ST3GAL6: variants seen among roughly 807,000 people sequenced by gnomAD.
ST3GAL6 encodes ST3 beta-galactoside alpha-2,3-sialyltransferase 6.
ST3GAL6 carries 31 observed loss-of-function variants against 40.5 expected under a neutral mutation model. That is an observed-to-expected ratio of 0.77 (90% CI 0.58 to 1.03). The LOEUF (loss-of-function observed/expected upper bound fraction) is 1.03, where lower values mean the gene tolerates loss of function less well. Ranked by LOEUF, ST3GAL6 falls within the 50% of genes least tolerant of loss-of-function variation. The pLI, the probability that ST3GAL6 is intolerant of heterozygous loss-of-function variation, is 0.00. For synonymous variants in ST3GAL6, 129 were observed against 136.9 expected, an observed-to-expected ratio of 0.94 and a Z score of 0.40; for missense variants, 357 against 393.2, an observed-to-expected ratio of 0.91 and a Z score of 0.78.
At chr3:98,775,701 C>T (rs1392747466) in intron 5 of ST3GAL6, among the ~76,000 whole-genome samples, 1 of 152,184 alleles carries the variant, frequency 6.6e-6, no homozygotes. Context: ...ATGCCTCCAT[C>T]AGGCTAATTT....
At chr3:98,733,591 G>A (rs1935251061) in intron 1 of ST3GAL6, 4 of 985,318 alleles carry the variant, frequency 4.1e-6, no homozygotes, top group Admixed American at 6.1e-5. Context: ...AAAGGAGGAC[G>A]GTGAGTAAAT....
intron 1 of ST3GAL6, among the ~76,000 whole-genome samples, chr3:98,754,009 AC>A (rs1474747793): frequency 9.2e-5 from 14 of 152,216 alleles, no homozygotes; most frequent in Non-Finnish European, 1.6e-4. Flanking sequence ...TGCTAAAACA[AC>A]GTCTATTCTG....
intron 3 of ST3GAL6, 64 bp from the exon 4 acceptor site, chr3:98,772,749 G>C (rs1685324186): frequency 3.6e-6 from 4 of 1,099,450 alleles, no homozygotes; most frequent in Non-Finnish European, 5.6e-6. Context: ...TTTTAGTTTT[G>C]ATTTTAAAAG....
intron 5 of ST3GAL6, among the ~76,000 whole-genome samples, chr3:98,775,941 AG>A (rs1939510126): frequency 6.6e-6 from 1 of 152,200 alleles, no homozygotes; most frequent in Admixed American, 6.5e-5. Flanking sequence ...CAGAGACTCT[AG>A]ATAAAGAATG....
At chr3:98,733,098 G>T (rs1215177284) in intron 1 of ST3GAL6, 8 of 1,351,138 alleles carry the variant, frequency 5.9e-6, no homozygotes, top group Non-Finnish European at 7.6e-6. Flanking sequence ...CTCCGGCTTT[G>T]CAGCCTCTGA....
chr3:98,788,293 C>A, intron 7 of ST3GAL6, 33 bp from the exon 8 acceptor site: 1 of 1,595,512 alleles, frequency 6.3e-7, no homozygotes, highest in Non-Finnish European at 8.5e-7. Context: ...CAGACAGCCA[C>A]ACTGTTCTAT....
chr3:98,787,738 G>T (rs1030847161), intron 6 of ST3GAL6, among the ~76,000 whole-genome samples: 2 of 152,174 alleles, frequency 1.3e-5, no homozygotes, highest in Non-Finnish European at 2.9e-5. Context: ...GTGGCTCTGT[G>T]TTCCCACTTT....
In ST3GAL6 at chr3:98,778,369, A is replaced by G. The variant is rs139743080; in HGVS notation, c.335+4386A>G. 3.8e-3 allele frequency among the ~76,000 whole-genome samples: 583 copies of G among 152,360 alleles called. 11 individuals carry two copies. Among genetic ancestry groups the G allele is most frequent in the African/African-American group, 0.014 (563 of 41,586 alleles). On this transcript the variant is annotated intron_variant, in intron 5 of 9. Transcript: ENST00000483910. The stretch of plus-strand genomic sequence containing the variant: ...AAAAAGAATTAGACATTAGTGGTGT[A>G]TTTATTGAAAAAGAGTCCTAACTCT...
At position 98,739,927 on chromosome 3, in the gene ST3GAL6, T is replaced by C. The variant is rs572260257; in HGVS notation, c.-12+7395T>C. Reference sequence around the variant, plus strand: ...AAATGTAATTTATAATCTTATTTAATTGATAGGTTGTGGTAATTAAAGGAG... The same window carrying C: ...AAATGTAATTTATAATCTTATTTAACTGATAGGTTGTGGTAATTAAAGGAG... On this transcript the variant is annotated intron_variant, in intron 1 of 9. Coordinates refer to the ST3GAL6 transcript ENST00000265261. Among the ~76,000 whole-genome samples, 3 of 152,328 alleles carry C rather than the reference T, an allele frequency of 2.0e-5. No homozygotes were observed. The South Asian group carries it at 6.2e-4, about 32-fold the overall frequency.
At chr3:98,774,681 G>C (rs760061006) in intron 5 of ST3GAL6, among the ~76,000 whole-genome samples, 4 of 152,168 alleles carry the variant, frequency 2.6e-5, no homozygotes, top group African/African-American at 2.4e-5. Flanking sequence ...CATTAAAAAG[G>C]AAAATGGCAG....
intron 8 of ST3GAL6, among the ~76,000 whole-genome samples, chr3:98,789,420 C>G (rs757725337): frequency 2.6e-5 from 4 of 152,174 alleles, no homozygotes; most frequent in Non-Finnish European, 5.9e-5. Context: ...AGACTATTTG[C>G]TATGCATTCA....
At chr3:98,767,226 AT>A (rs1938455717) in intron 1 of ST3GAL6, among the ~76,000 whole-genome samples, 1 of 152,200 alleles carries the variant, frequency 6.6e-6, no homozygotes, top group Non-Finnish European at 1.5e-5. Context: ...CCACACACCC[AT>A]TAGCTGCAGA....
chr3:98,768,397 C>G, intron 1 of ST3GAL6, 33 bp from the exon 2 acceptor site: 1 of 1,484,718 alleles, frequency 6.7e-7, no homozygotes, highest in Non-Finnish European at 9.4e-7. Context: ...AACAACCTGG[C>G]CTTTGCTTTG....
At chr3:98,792,162 G>A (rs1188762756) in intron 9 of ST3GAL6, among the ~76,000 whole-genome samples, 169 bp downstream of exon 9, 1 of 152,316 alleles carries the variant, frequency 6.6e-6, no homozygotes, top group Non-Finnish European at 1.5e-5. Context: ...TAGAACTCAT[G>A]TCCAGGATCA....
intron 1 of ST3GAL6, chr3:98,732,938 T>C (rs1281521308): frequency 6.6e-7 from 1 of 1,511,988 alleles, no homozygotes; most frequent in Non-Finnish European, 8.8e-7. Flanking sequence ...CCGGTGCGCC[T>C]CTGCGGTCGT....
chr3:98,758,899 A>C (rs1210866326), upstream of ST3GAL6, among the ~76,000 whole-genome samples: 2 of 152,186 alleles, frequency 1.3e-5, no homozygotes, highest in African/African-American at 4.8e-5. Flanking sequence ...TCTATTAGGA[A>C]GTATTATTAT....
chr3:98,759,398 G>C (rs1440603256), upstream of ST3GAL6, among the ~76,000 whole-genome samples: 1 of 152,184 alleles, frequency 6.6e-6, no homozygotes, highest in African/African-American at 2.4e-5. Flanking sequence ...AAACCGTAGA[G>C]ATCAGAGAGG....
chr3:98,786,985 T>TGTGTGTGTGTGTGTGTG (rs397972206), intron 6 of ST3GAL6, among the ~76,000 whole-genome samples: 1 of 146,102 alleles, frequency 6.8e-6, no homozygotes, highest in Non-Finnish European at 1.5e-5. Flanking sequence ...TGTGTGTGTG[T>TGTGTGTGTGTGTGTGTG]TAGGAGTAGC....
intron 1 of ST3GAL6, among the ~76,000 whole-genome samples, chr3:98,767,290 A>ATAT (rs1256879372): frequency 2.0e-5 from 3 of 152,262 alleles, no homozygotes; most frequent in Admixed American, 1.3e-4. Flanking sequence ...AGCTGACCCC[A>ATAT]TATTATCAAG....
Sources: gnomAD v4.1 joint callset for allele counts (sites outside exome capture counted in the v4.1 genomes callset) on GRCh38, gnomAD v4.1.1 for gene constraint, MANE v1.5 for transcripts, NCBI Gene and HGNC (gene_info 2026-07-23, HGNC 2026-07-21) for gene names.